The following MALRD1 variants were observed in gnomAD, a reference collection of about 807,000 sequenced individuals.
The protein encoded by MALRD1 is MAM and LDL-receptor class A domain-containing protein 1.
MALRD1 carries 247 observed loss-of-function variants against 242.1 expected under a neutral mutation model. The ratio of observed to expected loss-of-function variants is 1.02; its 90% CI spans 0.92 to 1.13. The LOEUF (loss-of-function observed/expected upper bound fraction) is 1.13, where lower values mean the gene tolerates loss of function less well. Among genes scored for constraint, MALRD1 ranks in the 50% most tolerant of loss-of-function variants. MALRD1 has a pLI of 0.00. For missense variants in MALRD1, 2,989 were observed against 2,533.1 expected (o/e 1.18, Z -3.86); for synonymous variants, 995 against 866.6 (o/e 1.15, Z -2.60).
intron 36 of MALRD1, among the ~76,000 whole-genome samples, chr10:19,646,161 CAT>C (rs1564513122): frequency 6.6e-6 from 1 of 152,136 alleles, no homozygotes; most frequent in Non-Finnish European, 1.5e-5. Flanking sequence ...CAAAGGTTAG[CAT>C]TTCCTTTGCA....
intron 12 of MALRD1, among the ~76,000 whole-genome samples, chr10:19,158,586 C>T (rs58399335): frequency 0.036 from 5,412 of 152,244 alleles, 306 homozygotes; most frequent in African/African-American, 0.12. Context: ...TGAGACTTCT[C>T]CCAAGTGCTT....
intron 38 of MALRD1, among the ~76,000 whole-genome samples, chr10:19,697,863 T>C (rs111299088): frequency 2.6e-5 from 4 of 152,320 alleles, no homozygotes; most frequent in African/African-American, 7.2e-5. Flanking sequence ...TTAACCTCAA[T>C]TTTTCTTCTG....
chr10:19,379,717 C>A (rs1303987693), intron 26 of MALRD1, among the ~76,000 whole-genome samples: 6 of 152,070 alleles, frequency 3.9e-5, no homozygotes, highest in South Asian at 2.1e-4. Flanking sequence ...CAGCTAGTGA[C>A]TATTTCACAC....
chr10:19,264,640 A>T (rs182989108), intron 19 of MALRD1, among the ~76,000 whole-genome samples: 2 of 151,820 alleles, frequency 1.3e-5, no homozygotes, highest in East Asian at 1.9e-4. Context: ...CTTTTCGTAG[A>T]TCCGGGGTTT....
intron 9 of MALRD1, among the ~76,000 whole-genome samples, chr10:19,135,619 A>G (rs1564414904): frequency 1.3e-5 from 2 of 152,214 alleles, no homozygotes; most frequent in Non-Finnish European, 2.9e-5. Flanking sequence ...GATGTCCAGT[A>G]TGGTAGCCAC....
intron 28 of MALRD1, among the ~76,000 whole-genome samples, chr10:19,425,502 TCTTTTCTTTC>T (rs1382891982): frequency 1.3e-5 from 2 of 152,170 alleles, no homozygotes; most frequent in African/African-American, 4.8e-5. Context: ...GACTGTCTTT[TCTTTTCTTTC>T]CTTTTCTTTT....
At chr10:19,075,965 C>T (rs1835304318) in intron 2 of MALRD1, among the ~76,000 whole-genome samples, 3 of 151,950 alleles carry the variant, frequency 2.0e-5, no homozygotes. Context: ...CTCCGTTTTA[C>T]TAGGTAAAGA....
At chr10:19,706,142 G>A (rs573166103) in intron 38 of MALRD1, among the ~76,000 whole-genome samples, 18 of 152,154 alleles carry the variant, frequency 1.2e-4, no homozygotes, top group African/African-American at 3.1e-4. Flanking sequence ...GTAGAGATGC[G>A]GAAAGGGAGT....
intron 7 of MALRD1, among the ~76,000 whole-genome samples, chr10:19,126,036 G>A (rs1025878691): frequency 6.6e-6 from 1 of 151,650 alleles, no homozygotes; most frequent in Non-Finnish European, 1.5e-5. Flanking sequence ...AATTTATCTG[G>A]TCATACAATT....
rs1475804525 is a variant in MALRD1 at position 19,108,413 on chromosome 10, T to A, written c.694+4338T>A. Among the ~76,000 whole-genome samples, 27 of 20,994 alleles carry A rather than the reference T, an allele frequency of 1.3e-3. 1 individual carries two copies. Among genetic ancestry groups the A allele is most frequent in the Admixed American group, 2.8e-3 (5 of 1,786 alleles). 13.8% of individuals were successfully genotyped at this position (20,994 alleles called of 152,430 possible). A position where few individuals can be genotyped will look rare whatever the true frequency, so the allele number is the denominator to read the frequency against. On this transcript the variant is annotated intron_variant, in intron 5 of 39. Coordinates refer to ENST00000454679, the MANE Select transcript of MALRD1 (RefSeq NM_001142308.3). ...TTTTTTTTTTTTTTTTTTTTTTTTTTTTTTTTTTTTTTAAGACGGAGTCTC... is the reference window on the plus strand; with the variant it reads ...TTTTTTTTTTTTTTTTTTTTTTTTTATTTTTTTTTTTTAAGACGGAGTCTC...
intron 34 of MALRD1, among the ~76,000 whole-genome samples, chr10:19,603,705 A>G (rs1838474435): frequency 6.6e-6 from 1 of 152,142 alleles, no homozygotes; most frequent in Admixed American, 6.5e-5. Flanking sequence ...ATTTTCTAAC[A>G]GTATATGCTC....
chr10:19,454,774 G>A (rs1835555853), intron 29 of MALRD1, among the ~76,000 whole-genome samples: 2 of 150,336 alleles, frequency 1.3e-5, no homozygotes, highest in South Asian at 4.2e-4. Flanking sequence ...AATATGTATG[G>A]TATATATTTG....
chr10:19,231,162 G>C (rs1838048836), intron 18 of MALRD1, among the ~76,000 whole-genome samples: 1 of 152,134 alleles, frequency 6.6e-6, no homozygotes, highest in Non-Finnish European at 1.5e-5. Context: ...CCAGTGAAAG[G>C]TATTAAAACT....
Position 19,460,054 on chromosome 10 carries a change from A to C in MALRD1, c.5029+9564A>C, listed in dbSNP as rs185983178. Among the ~76,000 whole-genome samples the C allele has an allele frequency of 5.3e-4, 81 of 152,194 alleles. 1 individual carries two copies. The East Asian group carries it at 0.012, about 23-fold the overall frequency. Reference sequence around the variant, plus strand: ...ATTTAGGATCTAGGTCAGTAGGACCATTGCATAGAGTTTTTGTGATGATAT... The same window carrying C: ...ATTTAGGATCTAGGTCAGTAGGACCCTTGCATAGAGTTTTTGTGATGATAT... On this transcript the variant is annotated intron_variant, in intron 29 of 39. Coordinates refer to ENST00000454679, the MANE Select transcript of MALRD1 (RefSeq NM_001142308.3).
At chr10:19,632,388 G>A (rs1056493911) in intron 36 of MALRD1, among the ~76,000 whole-genome samples, 7 of 152,130 alleles carry the variant, frequency 4.6e-5, no homozygotes, top group Non-Finnish European at 8.8e-5. Context: ...ACATGGATAG[G>A]AAAGCAGTCC....
chr10:19,095,067 T>C (rs913224068), intron 4 of MALRD1, among the ~76,000 whole-genome samples: 2 of 152,202 alleles, frequency 1.3e-5, no homozygotes, highest in Non-Finnish European at 2.9e-5. Context: ...ATTAGAATGA[T>C]ATAATAATTT....
Position 19,262,929 on chromosome 10 carries a change from T to C in MALRD1, c.3079+5158T>C, listed in dbSNP as rs1839817951. 2.0e-5 allele frequency among the ~76,000 whole-genome samples: 3 copies of C among 152,200 alleles called. No homozygotes were observed. In the South Asian group the frequency reaches 6.2e-4, roughly 32 times the overall value. On this transcript the variant is annotated intron_variant, in intron 19 of 39. Transcript: ENST00000454679. ...CTTATTTCACTTAGTGTAATGGACATGGCATTATTCTAATTTCATAAAGAC... is the reference window on the plus strand; with the variant it reads ...CTTATTTCACTTAGTGTAATGGACACGGCATTATTCTAATTTCATAAAGAC...
chr10:19,185,842 TGTTA>T (rs1057224797), intron 14 of MALRD1, among the ~76,000 whole-genome samples: 80 of 152,088 alleles, frequency 5.3e-4, no homozygotes, highest in African/African-American at 1.9e-3. Flanking sequence ...TGTGTGTGTG[TGTTA>T]GTCTTTGAAT....
intron 28 of MALRD1, among the ~76,000 whole-genome samples, chr10:19,422,576 G>A (rs963825690): frequency 9.9e-5 from 15 of 152,114 alleles, no homozygotes; most frequent in African/African-American, 3.4e-4. Flanking sequence ...GATTTAGAGT[G>A]AAATTGAACA....
Sources: gnomAD v4.1 joint callset for allele counts (sites outside exome capture counted in the v4.1 genomes callset) on GRCh38, gnomAD v4.1.1 for gene constraint, MANE v1.5 for transcripts, NCBI Gene and HGNC (gene_info 2026-07-23, HGNC 2026-07-21) for gene names.